The following WWC2 variants were observed in gnomAD, a reference collection of about 807,000 sequenced individuals.
WWC2 encodes WW and C2 domain containing 2.
In WWC2, 101 loss-of-function variants were observed where a neutral mutation model predicts 138.5. That is an observed-to-expected ratio of 0.73 (90% CI 0.62 to 0.86). WWC2 has a LOEUF of 0.86. WWC2 is among the 40% of genes least tolerant of loss of function. The pLI, the probability that WWC2 is intolerant of heterozygous loss-of-function variation, is 0.00. For synonymous variants in WWC2, 558 were observed against 538.4 expected (o/e 1.04, Z -0.50); for missense variants, 1,420 against 1,419.4 (o/e 1.00, Z -0.01).
At chr4:183,220,685 G>T (rs376489951) in intron 4 of WWC2, among the ~76,000 whole-genome samples, 1,591 of 151,146 alleles carry the variant, frequency 0.011, 22 homozygotes, top group African/African-American at 0.013. Context: ...ATACAAAAAA[G>T]TAGCCGGGCG....
chr4:183,206,950 G>T (rs1451286621), intron 2 of WWC2, among the ~76,000 whole-genome samples: 2 of 152,168 alleles, frequency 1.3e-5, no homozygotes, highest in African/African-American at 4.8e-5. Context: ...CCCTACTGTA[G>T]CTTCACCACA....
chr4:183,253,157 G>T (rs753313490), intron 8 of WWC2, among the ~76,000 whole-genome samples: 12 of 152,222 alleles, frequency 7.9e-5, no homozygotes, highest in Non-Finnish European at 1.6e-4. Context: ...CAGATTACAG[G>T]CATGAGCCAC....
chr4:183,246,682 AT>A (rs1736791347), intron 6 of WWC2, among the ~76,000 whole-genome samples: 1 of 152,202 alleles, frequency 6.6e-6, no homozygotes, highest in Non-Finnish European at 1.5e-5. Context: ...GCACAGAAAA[AT>A]TAAAGTTTCT....
chr4:183,225,235 CATT>C (rs1736037838), intron 4 of WWC2, among the ~76,000 whole-genome samples: 1 of 152,134 alleles, frequency 6.6e-6, no homozygotes, highest in South Asian at 2.1e-4. Flanking sequence ...AAAATACATA[CATT>C]ACCAGTAATT....
chr4:183,147,418 G>T (rs1042700218), intron 1 of WWC2, among the ~76,000 whole-genome samples: 9 of 152,084 alleles, frequency 5.9e-5, no homozygotes, highest in African/African-American at 2.2e-4. Context: ...TCTACAAGTC[G>T]CTGCACAACA....
At chr4:183,193,830 T>A (rs1180787422) in intron 2 of WWC2, 122 bp downstream of exon 2, 2 of 835,960 alleles carry the variant, frequency 2.4e-6, no homozygotes, top group Non-Finnish European at 1.9e-6. Context: ...TCTTAGTGAC[T>A]AATATTTAAC....
intron 17 of WWC2, 185 bp downstream of exon 17, chr4:183,281,082 T>C (rs1157979261): frequency 1.3e-6 from 1 of 765,380 alleles, no homozygotes; most frequent in Non-Finnish European, 1.9e-6. Flanking sequence ...GGCAAGATTA[T>C]GGGCAAAGTT....
chr4:183,206,142 G>A (rs968047899), intron 2 of WWC2, among the ~76,000 whole-genome samples: 1 of 152,020 alleles, frequency 6.6e-6, no homozygotes, highest in Non-Finnish European at 1.5e-5. Context: ...TAGGGTAATC[G>A]TGGGGTTCAT....
At chr4:183,229,503 C>G (rs1182424270) in intron 4 of WWC2, among the ~76,000 whole-genome samples, 1 of 151,956 alleles carries the variant, frequency 6.6e-6, no homozygotes, top group East Asian at 1.9e-4. Context: ...GTGATTTATA[C>G]TATAGAAACC....
chr4:183,106,964 A>G (rs1340623725), intron 1 of WWC2, among the ~76,000 whole-genome samples: 1 of 152,174 alleles, frequency 6.6e-6, no homozygotes, highest in Non-Finnish European at 1.5e-5. Context: ...TTGCTGGGTC[A>G]TATGGCAGTT....
In WWC2 at chr4:183,261,543, C is replaced by T; in HGVS notation, c.1909+11C>T. 1.2e-6 allele frequency: 2 copies of T among 1,602,304 alleles called. No individual in the cohort carries two copies. The highest frequency in any genetic ancestry group is 8.5e-7 in the Non-Finnish European group (1 of 1,174,496). On this transcript the variant is annotated intron_variant, in intron 11 of 22. Transcript: ENST00000403733. Reference sequence around the variant, plus strand: ...ATGAAGGAACTGCAGGTAAATGCAGCCCTTTGCTTTCATGTATTCCCTGTT... The same window carrying T: ...ATGAAGGAACTGCAGGTAAATGCAGTCCTTTGCTTTCATGTATTCCCTGTT...
chr4:183,161,044 A>C (rs1479213164), intron 1 of WWC2, among the ~76,000 whole-genome samples: 1 of 152,182 alleles, frequency 6.6e-6, no homozygotes, highest in African/African-American at 2.4e-5. Context: ...CATTAAAAAA[A>C]AAAATCATGA....
chr4:183,108,048 A>G (rs1331879675), intron 1 of WWC2, among the ~76,000 whole-genome samples: 1 of 152,108 alleles, frequency 6.6e-6, no homozygotes, highest in African/African-American at 2.4e-5. Context: ...TTCAAATGTG[A>G]TGTATTTTAT....
In WWC2 at chr4:183,289,487, G is replaced by T. The variant is rs1020397670; in HGVS notation, c.3236G>T (p.Arg1079Leu). ...LELDLQASLTRQSRLNDELQA... is the reference protein window; with the variant it reads ...LELDLQASLTLQSRLNDELQA... ...CTGGACCTTCAGGCATCTCTGACCC[G>T]GCAGAGCCGCCTCAATGATGAGCTG... Residue 1079 changes from arginine to leucine, a missense_variant, in exon 21 of 23, where the codon CGG becomes CTG. By Grantham distance (102) the Arg-to-Leu change is moderately radical. Coordinates refer to ENST00000403733, the MANE Select transcript of WWC2 (RefSeq NM_024949.6). 1 of 1,613,530 alleles carries T rather than the reference G, an allele frequency of 6.2e-7. No individual in the cohort carries two copies. Among genetic ancestry groups the T allele is most frequent in the Non-Finnish European group, 8.5e-7 (1 of 1,179,734 alleles).
intron 16 of WWC2, among the ~76,000 whole-genome samples, chr4:183,272,992 A>G (rs901049393): frequency 6.6e-6 from 1 of 152,178 alleles, no homozygotes; most frequent in African/African-American, 2.4e-5. Context: ...TAGGTTGTAT[A>G]GTAACTTTGT....
intron 6 of WWC2, among the ~76,000 whole-genome samples, chr4:183,245,916 T>C (rs894060455): frequency 1.3e-5 from 2 of 152,176 alleles, no homozygotes; most frequent in Non-Finnish European, 2.9e-5. Context: ...AAGGGATATA[T>C]CATTTGCCAT....
At chr4:183,295,387 A>T (rs1738599729) in intron 21 of WWC2, among the ~76,000 whole-genome samples, 1 of 152,128 alleles carries the variant, frequency 6.6e-6, no homozygotes. Context: ...AGAATAGAGG[A>T]TTTCACCCTG....
At chr4:183,313,350 A>T (rs867788473) in intron 22 of WWC2, among the ~76,000 whole-genome samples, 3 of 152,126 alleles carry the variant, frequency 2.0e-5, no homozygotes, top group African/African-American at 7.2e-5. Context: ...TGTAGGGCAG[A>T]TATCAGAGGC....
At chr4:183,177,549 G>A (rs375752784) in intron 1 of WWC2, among the ~76,000 whole-genome samples, 6 of 152,022 alleles carry the variant, frequency 3.9e-5, no homozygotes, top group African/African-American at 1.4e-4. Flanking sequence ...AATAAATAAG[G>A]CTGTTTCCTC....
Sources: allele counts gnomAD v4.1 joint callset (sites outside exome capture counted in the v4.1 genomes callset), GRCh38; gene constraint gnomAD v4.1.1; transcripts MANE v1.5; gene names NCBI Gene and HGNC (gene_info 2026-07-23, HGNC 2026-07-21).